Variants in SLC12A6 observed in about 807,000 individuals in gnomAD.
The protein encoded by SLC12A6 is K-Cl cotransporter 3.
A neutral mutation model predicts 135.3 loss-of-function variants in SLC12A6; 66 were observed. The ratio of observed to expected loss-of-function variants is 0.49; its 90% CI spans 0.40 to 0.60. SLC12A6 has a LOEUF of 0.60. SLC12A6 is among the 20% of genes least tolerant of loss of function. SLC12A6 has a pLI of 0.00. For synonymous variants in SLC12A6, 513 were observed against 508.8 expected (o/e 1.01, Z -0.11); for missense variants, 1,058 against 1,452.3 (o/e 0.73, Z 4.41).
chr15:34,309,629 T>C lies in SLC12A6; in HGVS notation c.271+26781A>G, dbSNP rs562829162. Among the ~76,000 whole-genome samples the C allele has an allele frequency of 5.3e-5, 8 of 152,240 alleles. No individual in the cohort carries two copies. The South Asian group carries it at 1.5e-3, about 28-fold the overall frequency. Reference sequence around the variant, plus strand: ...TCACAATCTAAACAAAGTTTTAAAATGTAAAAATCTGAAAGGAATCAAATT... The same window carrying C: ...TCACAATCTAAACAAAGTTTTAAAACGTAAAAATCTGAAAGGAATCAAATT... On this transcript the variant is annotated intron_variant, in intron 2 of 25. Coordinates refer to ENST00000354181, the MANE Select transcript of SLC12A6 (RefSeq NM_001365088.1).
chr15:34,254,741 G>C, intron 8 of SLC12A6, 152 bp from the exon 9 acceptor site: 1 of 641,438 alleles, frequency 1.6e-6, no homozygotes, highest in Non-Finnish European at 2.7e-6. Flanking sequence ...GATCTGAAAT[G>C]CCTTCAGAAA....
rs553928511 is a variant in SLC12A6, at chr15:34,290,550, C to T, written c.272-15161G>A. 2.6e-5 allele frequency among the ~76,000 whole-genome samples: 4 copies of T among 152,142 alleles called. No homozygotes were observed. In the East Asian group the frequency reaches 5.8e-4, roughly 22 times the overall value. On this transcript the variant is annotated intron_variant, in intron 2 of 25. Transcript: ENST00000354181. Reference sequence around the variant, plus strand: ...GGATATCCTTGTTAATTTTCTGTCTCGTCGATCTAATATTGACAGTGGGCT... The same window carrying T: ...GGATATCCTTGTTAATTTTCTGTCTTGTCGATCTAATATTGACAGTGGGCT...
intron 2 of SLC12A6, among the ~76,000 whole-genome samples, chr15:34,286,113 ACCCAGG>A (rs1307488812): frequency 6.6e-5 from 10 of 151,822 alleles, no homozygotes; most frequent in Non-Finnish European, 1.2e-4. Context: ...TTGCTCTGAC[ACCCAGG>A]CTGGAGTGTG....
chr15:34,315,768 G>A (rs377382321), intron 2 of SLC12A6, among the ~76,000 whole-genome samples: 1 of 151,914 alleles, frequency 6.6e-6, no homozygotes, highest in Non-Finnish European at 1.5e-5. Context: ...GGCGGATCAC[G>A]AAGTCAGGAG....
At chr15:34,275,312 T>C (rs375149934) in intron 3 of SLC12A6, 33 bp downstream of exon 3, 5 of 1,163,766 alleles carry the variant, frequency 4.3e-6, no homozygotes, top group Non-Finnish European at 6.5e-6. Context: ...AGGGTGACTT[T>C]GGATAAAGTC....
intron 2 of SLC12A6, among the ~76,000 whole-genome samples, chr15:34,275,748 C>T (rs139441072): frequency 3.1e-4 from 47 of 152,126 alleles, no homozygotes; most frequent in African/African-American, 1.1e-3. Context: ...ATGTAATATA[C>T]ACATACAATG....
intron 2 of SLC12A6, among the ~76,000 whole-genome samples, chr15:34,296,431 G>A (rs563493864): frequency 1.2e-3 from 186 of 152,258 alleles, no homozygotes; most frequent in Non-Finnish European, 2.1e-3. Flanking sequence ...GGCAAACTGA[G>A]TGTAAATTTC....
At chr15:34,323,376 G>A (rs1464266246) in intron 2 of SLC12A6, among the ~76,000 whole-genome samples, 1 of 152,192 alleles carries the variant, frequency 6.6e-6, no homozygotes, top group African/African-American at 2.4e-5. Flanking sequence ...AACGGGGCCC[G>A]CACAGCAGGA....
intron 2 of SLC12A6, among the ~76,000 whole-genome samples, chr15:34,300,842 T>A (rs114198354): frequency 0.029 from 4,276 of 149,856 alleles, 215 homozygotes; most frequent in African/African-American, 0.1. Flanking sequence ...TTTGGGGGCA[T>A]GAGGGGCAGG....
chr15:34,300,793 CAA>C (rs71763739), intron 2 of SLC12A6, among the ~76,000 whole-genome samples: 3 of 98,804 alleles, frequency 3.0e-5, no homozygotes, highest in Non-Finnish European at 2.4e-5. Context: ...GACTCCGTCT[CAA>C]AAAAAAAAAA....
Position 34,252,285 on chromosome 15 carries a change from C to G in SLC12A6, c.1218G>C (p.Trp406Cys), listed in dbSNP as rs771726260. ...ATTGACTCGAGTTACAGAAGAATCC[C>G]CATAACTTTGATGGGACTGTCATGT... ...INNMTVPSKL[W>C]GFFCNSSQFF... is the part of the protein sequence containing the mutation. The change falls in exon 10 of 26, where the codon TGG (tryptophan) becomes TGC (cysteine). Residue 406 changes from tryptophan (W) to cysteine (C), a missense_variant. Trp to Cys is a radical substitution (Grantham distance 215). This residue lies in a region of SLC12A6 where 297 missense variants were observed against 318.5 expected (regional missense o/e 0.93). Coordinates refer to ENST00000354181, the MANE Select transcript of SLC12A6 (RefSeq NM_001365088.1). The G allele has an allele frequency of 7.7e-5, 124 of 1,607,692 alleles. No homozygotes were observed. The highest frequency in any genetic ancestry group is 1.6e-4 in the Middle Eastern group (1 of 6,070).
At chr15:34,332,247 T>C (rs186110464) in intron 2 of SLC12A6, among the ~76,000 whole-genome samples, 18 of 152,374 alleles carry the variant, frequency 1.2e-4, no homozygotes, top group Admixed American at 8.5e-4. Context: ...GCTTTTTCTC[T>C]GTCTTTAACA....
At chr15:34,247,495 C>T (rs866323689) in intron 13 of SLC12A6, among the ~76,000 whole-genome samples, 9 of 151,160 alleles carry the variant, frequency 6.0e-5, no homozygotes, top group Middle Eastern at 3.4e-3. Flanking sequence ...CCAGCCTGGG[C>T]GACAGAGCGA....
At chr15:34,328,894 CT>C (rs886943551) in intron 2 of SLC12A6, among the ~76,000 whole-genome samples, 10 of 152,152 alleles carry the variant, frequency 6.6e-5, no homozygotes, top group African/African-American at 2.4e-4. Flanking sequence ...GAGCTAGACC[CT>C]GTCTCAAAAA....
chr15:34,309,706 T>C (rs897587518), intron 2 of SLC12A6, among the ~76,000 whole-genome samples: 10 of 152,178 alleles, frequency 6.6e-5, no homozygotes, highest in African/African-American at 2.4e-4. Flanking sequence ...GGGAAGATAT[T>C]TCAGAGAGGT....
At chr15:34,248,876 C>A (rs1039305493) in intron 13 of SLC12A6, among the ~76,000 whole-genome samples, 1 of 152,118 alleles carries the variant, frequency 6.6e-6, no homozygotes, top group South Asian at 2.1e-4. Context: ...TATGAGTTGG[C>A]CAGGTGGGAG....
In SLC12A6 at chr15:34,237,542, T is replaced by G. The variant is rs1426374277; in HGVS notation, c.2811A>C (p.Arg937=). ...CTGTGAAGATCCGTATGCTGCACTTTCGCCACACCTGAGAGAGTGACATAC... is the reference window on the plus strand; with the variant it reads ...CTGTGAAGATCCGTATGCTGCACTTGCGCCACACCTGAGAGAGTGACATAC... ...PFLLKQHKVW[R]KCSIRIFTVA... Residue 937 remains arginine (R), a synonymous_variant, in exon 22 of 26, where the codon CGA becomes CGC. Transcript: ENST00000354181. The G allele has an allele frequency of 6.2e-7, 1 of 1,612,438 alleles. No homozygotes were observed. The highest frequency in any genetic ancestry group is 1.1e-5 in the South Asian group (1 of 91,014).
chr15:34,309,299 T>C (rs1462345498), intron 2 of SLC12A6, among the ~76,000 whole-genome samples: 1 of 152,248 alleles, frequency 6.6e-6, no homozygotes, highest in Non-Finnish European at 1.5e-5. Flanking sequence ...AATTTAAAAA[T>C]CTTTTGAATA....
intron 21 of SLC12A6, among the ~76,000 whole-genome samples, chr15:34,237,764 A>G (rs962156103): frequency 2.0e-5 from 3 of 152,212 alleles, no homozygotes; most frequent in Non-Finnish European, 4.4e-5. Context: ...TAATTTCATA[A>G]CAAGAAAACA....
Sources: gnomAD v4.1 joint callset for allele counts (sites outside exome capture counted in the v4.1 genomes callset) on GRCh38, gnomAD v4.1.1 for gene constraint, gnomAD v4.1.1 regional missense constraint, MANE v1.5 for transcripts, NCBI Gene and HGNC (gene_info 2026-07-23, HGNC 2026-07-21) for gene names.